Variants in NR4A1 observed in about 807,000 individuals in gnomAD.
The protein encoded by NR4A1 is nuclear receptor subfamily 4 group A member 1, also known as nuclear receptor subfamily 4immunitygroup A member 1.
Under a neutral mutation model 47.5 loss-of-function variants are expected in NR4A1, and 24 were observed. The observed-to-expected ratio is 0.50, with a 90% confidence interval of 0.37 to 0.71. The LOEUF (loss-of-function observed/expected upper bound fraction) is 0.71. Ranked by LOEUF, NR4A1 falls within the 30% of genes least tolerant of loss-of-function variation. The pLI is 0.00. For synonymous variants in NR4A1, 353 were observed against 345.7 expected (o/e 1.02, Z -0.24); for missense variants, 669 against 788.6 (o/e 0.85, Z 1.82).
At chr12:52,047,017 G>A (rs1938674035), upstream of NR4A1, among the ~76,000 whole-genome samples, 2 of 152,006 alleles carry the variant, frequency 1.3e-5, no homozygotes, top group South Asian at 4.2e-4. Context: ...GGATAGGCTG[G>A]GCCGTGGTGT....
At chr12:52,035,011 G>C (rs1452748534) in intron 1 of NR4A1, among the ~76,000 whole-genome samples, 1 of 152,218 alleles carries the variant, frequency 6.6e-6, no homozygotes, top group Non-Finnish European at 1.5e-5. Flanking sequence ...AGCCCAGAGA[G>C]GGCAAGTAAC....
At chr12:52,040,786 T>C (rs1938403874) in intron 1 of NR4A1, among the ~76,000 whole-genome samples, 1 of 152,206 alleles carries the variant, frequency 6.6e-6, no homozygotes, top group Non-Finnish European at 1.5e-5. Context: ...GTCCTCCTCC[T>C]CTTTGCCCCT....
At chr12:52,031,531 T>C (rs1938126731) in intron 1 of NR4A1, among the ~76,000 whole-genome samples, 1 of 151,434 alleles carries the variant, frequency 6.6e-6, no homozygotes, top group African/African-American at 2.4e-5. Context: ...CAGCTACTCA[T>C]GAGGCTGAGG....
At chr12:52,044,341 G>A (rs1434046079) in intron 2 of NR4A1, among the ~76,000 whole-genome samples, 2 of 152,206 alleles carry the variant, frequency 1.3e-5, no homozygotes, top group Admixed American at 1.3e-4. Flanking sequence ...TGAGCCCTCA[G>A]TCCCTGGCCT....
Position 52,056,624 on chromosome 12 carries a change from T to A in NR4A1, c.1137T>A (p.Thr379=). 6.2e-7 allele frequency: 1 copy of A among 1,603,868 alleles called. No individual in the cohort carries two copies. The highest frequency in any genetic ancestry group is 8.5e-7 in the Non-Finnish European group (1 of 1,177,084). Residue 379 remains threonine (T), a synonymous_variant, in exon 4 of 7, where the codon ACT becomes ACA. Transcript: ENST00000394825. The part of the protein sequence containing the change: ...VRAHLDSGPS[T]AKLDYSKFQE... ...CACACCTGGACTCAGGGCCCAGCACTGCCAAACTGGACTACTCCAAGGTGA... is the reference window on the plus strand; with the variant it reads ...CACACCTGGACTCAGGGCCCAGCACAGCCAAACTGGACTACTCCAAGGTGA...
chr12:52,041,981 G>C, intron 2 of NR4A1: 1 of 1,282,256 alleles, frequency 7.8e-7, no homozygotes, highest in South Asian at 2.7e-5. Flanking sequence ...GTGGGGTTGG[G>C]GGGCAGAGGT....
chr12:52,044,361 GCCGGGCCCTT>G (rs1189037640), intron 2 of NR4A1, among the ~76,000 whole-genome samples: 1 of 152,214 alleles, frequency 6.6e-6, no homozygotes, highest in Admixed American at 6.5e-5. Flanking sequence ...TGCCCCGCTT[GCCGGGCCCTT>G]GCCCGGCCTC....
rs1190846645 is a variant in NR4A1 at position 52,054,422 on chromosome 12, A to G, written c.94A>G (p.Lys32Glu). 1 of 1,613,430 alleles carries G rather than the reference A, an allele frequency of 6.2e-7. No individual in the cohort carries two copies. The part of the protein sequence containing the change: ...ASDPLTPEFI[K>E]PTMDLASPEA... ...CGACCCCCTGACCCCTGAGTTCATCAAGCCCACCATGGACCTGGCCAGCCC... is the reference window on the plus strand; with the variant it reads ...CGACCCCCTGACCCCTGAGTTCATCGAGCCCACCATGGACCTGGCCAGCCC... Residue 32 changes from lysine to glutamate, a missense_variant, in exon 2 of 7, where the codon AAG (lysine) becomes GAG (glutamate). By Grantham distance (56) the Lys-to-Glu change is moderately conservative. Transcript: ENST00000394825.
At chr12:52,048,762 G>A (rs2120364924), upstream of NR4A1, among the ~76,000 whole-genome samples, 1 of 152,208 alleles carries the variant, frequency 6.6e-6, no homozygotes, top group East Asian at 1.9e-4. Context: ...GCTCCTCTTG[G>A]AACCCTTGAC....
chr12:52,055,486 G>T, intron 2 of NR4A1: 1 of 580,356 alleles, frequency 1.7e-6, no homozygotes, highest in Non-Finnish European at 3.0e-6. Flanking sequence ...GCGAGCCTCT[G>T]GTTTTCCTCT....
chr12:52,054,166 G>T (rs987042777), intron 1 of NR4A1, 161 bp from the exon 2 acceptor site: 19 of 633,184 alleles, frequency 3.0e-5, no homozygotes, highest in South Asian at 6.0e-5. Flanking sequence ...CTCAGGCCAG[G>T]GGTCAGGATT....
intron 2 of NR4A1, chr12:52,055,769 C>T: frequency 2.9e-6 from 1 of 349,740 alleles, no homozygotes; most frequent in Non-Finnish European, 5.1e-6. Context: ...GTCTAGACTG[C>T]CAGGGAGACC....
chr12:52,055,842 A>C, intron 2 of NR4A1, 188 bp from the exon 3 acceptor site: 1 of 474,336 alleles, frequency 2.1e-6, no homozygotes, highest in South Asian at 3.8e-5. Flanking sequence ...CAATGTCTTC[A>C]AGACTTTTCT....
upstream of NR4A1, among the ~76,000 whole-genome samples, chr12:52,048,667 G>A (rs115878010): frequency 6.6e-6 from 1 of 152,148 alleles, no homozygotes. Context: ...GGCAAAGTGG[G>A]TGCTAGGTGA....
intron 2 of NR4A1, among the ~76,000 whole-genome samples, chr12:52,044,659 G>A (rs971783390): frequency 5.3e-5 from 8 of 152,218 alleles, no homozygotes; most frequent in Non-Finnish European, 1.2e-4. Flanking sequence ...GCTGGGACTC[G>A]TTATCAGAGA....
At chr12:52,047,021 G>T (rs1439328467), upstream of NR4A1, among the ~76,000 whole-genome samples, 1 of 151,792 alleles carries the variant, frequency 6.6e-6, no homozygotes, top group Non-Finnish European at 1.5e-5. Flanking sequence ...AGGCTGGGCC[G>T]TGGTGTGGGG....
Position 52,054,848 on chromosome 12 carries a change from A to G in NR4A1, c.520A>G (p.Thr174Ala). The G allele has an allele frequency of 6.2e-7, 1 of 1,613,904 alleles. No individual in the cohort carries two copies. Among genetic ancestry groups the G allele is most frequent in the Non-Finnish European group, 8.5e-7 (1 of 1,180,004 alleles). ...SQTYEGLRAW[T>A]EQLPKASGPP... ...GACTTACGAAGGCCTGCGGGCATGG[A>G]CAGAGCAGCTGCCCAAAGCCTCTGG... is the stretch of plus-strand genomic sequence containing the variant. Residue 174 changes from threonine to alanine, a missense_variant, in exon 2 of 7, where the codon ACA (threonine) becomes GCA (alanine). By Grantham distance (58) the Thr-to-Ala change is moderately conservative. Coordinates refer to ENST00000394825, the MANE Select transcript of NR4A1 (RefSeq NM_173157.3).
At chr12:52,052,393 TC>T (rs1326708482) in intron 1 of NR4A1, 53 of 727,910 alleles carry the variant, frequency 7.3e-5, no homozygotes, top group Non-Finnish European at 8.7e-5. Flanking sequence ...AGTGTTGGAG[TC>T]TTGGGGCGGT....
intron 2 of NR4A1, among the ~76,000 whole-genome samples, chr12:52,046,301 C>T (rs1938634965): frequency 6.6e-6 from 1 of 152,194 alleles, no homozygotes; most frequent in South Asian, 2.1e-4. Flanking sequence ...CTACTTACTA[C>T]TGAGGATGCA....
Sources: gnomAD v4.1 joint callset for allele counts (sites outside exome capture counted in the v4.1 genomes callset) on GRCh38, gnomAD v4.1.1 for gene constraint, MANE v1.5 for transcripts, NCBI Gene and HGNC (gene_info 2026-07-23, HGNC 2026-07-21) for gene names.